The following PIK3C2B variants were observed in gnomAD, a reference collection of about 807,000 sequenced individuals.
PIK3C2B encodes phosphatidylinositol-4-phosphate 3-kinase catalytic subunit type 2 beta, also known as phosphatidylinositol 4-phosphate 3-kinase C2 domain-containing subunit beta.
A neutral mutation model predicts 184.3 loss-of-function variants in PIK3C2B; 83 were observed. The observed-to-expected ratio is 0.45, with a 90% CI of 0.38 to 0.54. PIK3C2B has a LOEUF of 0.54. Ranked by LOEUF, PIK3C2B falls within the 20% of genes least tolerant of loss-of-function variation. PIK3C2B has a pLI of 0.00. For synonymous variants in PIK3C2B, 779 were observed against 837.6 expected, an observed-to-expected ratio of 0.93 and a Z score of 1.21; for missense variants, 1,736 against 2,113.5, an observed-to-expected ratio of 0.82 and a Z score of 3.50.
At chr1:204,492,917 C>A (rs1335841334) in intron 1 of PIK3C2B, among the ~76,000 whole-genome samples, 1 of 152,174 alleles carries the variant, frequency 6.6e-6, no homozygotes, top group Non-Finnish European at 1.5e-5. Context: ...CAGCTCAGAG[C>A]CACCATCTCT....
intron 12 of PIK3C2B, among the ~76,000 whole-genome samples, chr1:204,452,659 T>C (rs1480612978): frequency 1.4e-5 from 2 of 146,028 alleles, no homozygotes; most frequent in African/African-American, 5.0e-5. Flanking sequence ...TCCTTTTTTT[T>C]TTTTTTTTTT....
chr1:204,489,048 C>T (rs1439967098), intron 1 of PIK3C2B, among the ~76,000 whole-genome samples: 1 of 152,076 alleles, frequency 6.6e-6, no homozygotes, highest in Non-Finnish European at 1.5e-5. Flanking sequence ...TTTTTTTTCT[C>T]ACAGTCCCCT....
At chr1:204,467,618 T>A (rs771380470) in intron 2 of PIK3C2B, among the ~76,000 whole-genome samples, 1 of 152,102 alleles carries the variant, frequency 6.6e-6, no homozygotes, top group East Asian at 1.9e-4. Context: ...ACAGATCACC[T>A]GAGGTCAGGA....
intron 2 of PIK3C2B, chr1:204,467,161 G>A (rs1041132166): frequency 9.2e-6 from 3 of 326,412 alleles, no homozygotes; most frequent in Non-Finnish European, 1.8e-5. Flanking sequence ...AGGGAGTAGG[G>A]GAGGCAGGAG....
intron 11 of PIK3C2B, 136 bp from the exon 12 acceptor site, chr1:204,454,927 G>T: frequency 2.2e-6 from 2 of 916,772 alleles, no homozygotes; most frequent in Non-Finnish European, 1.6e-6. Context: ...CAGGATCTCC[G>T]GATAGGACAG....
chr1:204,452,919 A>G (rs1331266798), intron 12 of PIK3C2B, among the ~76,000 whole-genome samples: 1 of 151,920 alleles, frequency 6.6e-6, no homozygotes, highest in African/African-American at 2.4e-5. Flanking sequence ...TGTCCTCCCA[A>G]AGTACGGTGA....
intron 12 of PIK3C2B, among the ~76,000 whole-genome samples, chr1:204,454,426 G>A (rs944139342): frequency 1.4e-5 from 2 of 148,082 alleles, no homozygotes; most frequent in African/African-American, 5.0e-5. Flanking sequence ...AGCTTGCAGT[G>A]AGCCGAGATC....
In PIK3C2B at chr1:204,447,233, T is replaced by G. The variant is rs1163531414; in HGVS notation, c.2489+203A>C. Among the ~76,000 whole-genome samples the G allele has an allele frequency of 1.3e-5, 2 of 152,114 alleles. No homozygotes were observed. The highest frequency in any genetic ancestry group is 2.4e-5 in the African/African-American group (1 of 41,408). Reference sequence around the variant, plus strand: ...AGTCCCTGGGGTGGGGACTTGGGTATTCTCAGATCTAATTTCCTGACCTTG... The same window carrying G: ...AGTCCCTGGGGTGGGGACTTGGGTAGTCTCAGATCTAATTTCCTGACCTTG... On this transcript the variant is annotated intron_variant, in intron 15 of 32. Coordinates refer to ENST00000684373, the MANE Select transcript of PIK3C2B (RefSeq NM_001377334.1). The surrounding 1 kb of genome is among the most constrained non-coding windows in gnomAD (Gnocchi z 4.1).
chr1:204,442,325 G>A (rs971660021), intron 20 of PIK3C2B, among the ~76,000 whole-genome samples: 1 of 152,144 alleles, frequency 6.6e-6, no homozygotes, highest in Non-Finnish European at 1.5e-5. Flanking sequence ...GGAGAGACAG[G>A]ATAACATAAT....
At chr1:204,450,147 G>A (rs1654228830) in intron 12 of PIK3C2B, 130 bp from the exon 13 acceptor site, 4 of 729,818 alleles carry the variant, frequency 5.5e-6, no homozygotes, top group Non-Finnish European at 6.5e-6. Context: ...CATACTCCCT[G>A]AGGAAGCCCT....
chr1:204,459,000 A>G (rs1655098507), intron 8 of PIK3C2B, among the ~76,000 whole-genome samples: 1 of 152,094 alleles, frequency 6.6e-6, no homozygotes, highest in African/African-American at 2.4e-5. Context: ...AACTGGATCA[A>G]TGAGACAGGG....
At chr1:204,464,362 C>T in intron 4 of PIK3C2B, 88 bp downstream of exon 4, 1 of 1,341,840 alleles carries the variant, frequency 7.5e-7, no homozygotes, top group South Asian at 1.4e-5. Flanking sequence ...ATCTGGGCCA[C>T]AAGATGAGGT....
intron 3 of PIK3C2B, 46 bp from the exon 4 acceptor site, chr1:204,464,650 T>C: frequency 6.3e-7 from 1 of 1,580,066 alleles, no homozygotes; most frequent in Non-Finnish European, 8.6e-7. Flanking sequence ...TAGAAGAGAG[T>C]AGTCAAGAAG....
chr1:204,450,508 C>T (rs1654260592), intron 12 of PIK3C2B, among the ~76,000 whole-genome samples: 1 of 152,056 alleles, frequency 6.6e-6, no homozygotes, highest in African/African-American at 2.4e-5. Context: ...GCCCTCGGTT[C>T]ACCCTCCCCC....
At chr1:204,439,678 G>A (rs1675540984) in intron 22 of PIK3C2B, among the ~76,000 whole-genome samples, 1 of 152,000 alleles carries the variant, frequency 6.6e-6, no homozygotes, top group South Asian at 2.1e-4. Flanking sequence ...TCTGTCGCCT[G>A]GTCTGAAGTA....
intron 12 of PIK3C2B, among the ~76,000 whole-genome samples, chr1:204,454,300 T>C (rs996117369): frequency 6.6e-6 from 1 of 150,946 alleles, no homozygotes; most frequent in African/African-American, 2.4e-5. Context: ...AGCTAACACA[T>C]GGAAACCCCA....
At chr1:204,460,496 A>G in intron 6 of PIK3C2B, 54 bp downstream of exon 6, 1 of 1,554,808 alleles carries the variant, frequency 6.4e-7, no homozygotes, top group South Asian at 1.1e-5. Context: ...TCTATATTGT[A>G]TTCCCATTCC....
rs1655705834 is a variant in PIK3C2B, at chr1:204,465,690, G to C, written c.934-371C>G. Among the ~76,000 whole-genome samples the C allele has an allele frequency of 2.0e-5, 3 of 152,230 alleles. No individual in the cohort carries two copies. In the South Asian group the frequency reaches 6.2e-4, roughly 31 times the overall value. ...CAGAGGCGTGACAGGGAGCAGAGCAGACAGCTGTTTTTCCCAGCCCCTCTA... is the reference window on the plus strand; with the variant it reads ...CAGAGGCGTGACAGGGAGCAGAGCACACAGCTGTTTTTCCCAGCCCCTCTA... On this transcript the variant is annotated intron_variant, in intron 2 of 32. Coordinates refer to ENST00000684373, the MANE Select transcript of PIK3C2B (RefSeq NM_001377334.1).
chr1:204,450,097 G>C, intron 12 of PIK3C2B, 80 bp from the exon 13 acceptor site: 2 of 1,189,300 alleles, frequency 1.7e-6, no homozygotes, highest in Non-Finnish European at 2.3e-6. Flanking sequence ...GTCAGGCTGA[G>C]GCTGAGGCTG....
Sources: allele counts gnomAD v4.1 joint callset (sites outside exome capture counted in the v4.1 genomes callset), GRCh38; gene constraint gnomAD v4.1.1; non-coding constraint Gnocchi (gnomAD v3.1); transcripts MANE v1.5; gene names NCBI Gene and HGNC (gene_info 2026-07-23, HGNC 2026-07-21).